The following HERC3 variants were observed in gnomAD, a reference collection of about 807,000 sequenced individuals.
HERC3 encodes HECT and RLD domain containing E3 ubiquitin protein ligase 3, also known as probable E3 ubiquitin-protein ligase HERC3.
Under a neutral mutation model 129.9 loss-of-function variants are expected in HERC3, and 58 were observed. The ratio of observed to expected loss-of-function variants is 0.45; its 90% confidence interval spans 0.36 to 0.56. The LOEUF (loss-of-function observed/expected upper bound fraction) is 0.56, where lower values mean the gene tolerates loss of function less well. HERC3 is among the 20% of genes least tolerant of loss of function. HERC3 has a pLI of 0.00. For synonymous variants in HERC3, 430 were observed against 451.0 expected, an observed-to-expected ratio of 0.95 and a Z score of 0.59; for missense variants, 835 against 1,244.2, an observed-to-expected ratio of 0.67 and a Z score of 4.95.
chr4:88,549,652 T>C, the HERC3 span, among the ~76,000 whole-genome samples: 1 of 152,174 alleles, frequency 6.6e-6, no homozygotes, highest in African/African-American at 2.4e-5. Flanking sequence ...TTTCATTCTC[T>C]TTTATGGCTG....
chr4:88,572,395 C>T, the HERC3 span, among the ~76,000 whole-genome samples: 1 of 151,840 alleles, frequency 6.6e-6, no homozygotes, highest in Non-Finnish European at 1.5e-5. Context: ...CACTGCACTC[C>T]AGCCTGGGTG....
chr4:88,583,503 A>G, the HERC3 span, among the ~76,000 whole-genome samples: 1 of 152,134 alleles, frequency 6.6e-6, no homozygotes, highest in African/African-American at 2.4e-5. Flanking sequence ...TACTATGATA[A>G]ATTATGGAGT....
chr4:88,569,189 C>G, the HERC3 span, among the ~76,000 whole-genome samples: 1 of 152,174 alleles, frequency 6.6e-6, no homozygotes, highest in Non-Finnish European at 1.5e-5. Context: ...TCAAAATGCT[C>G]CCTCCATGTG....
intron 1 of HERC3, among the ~76,000 whole-genome samples, chr4:88,594,541 C>G (rs1389319072): frequency 6.6e-6 from 1 of 152,092 alleles, no homozygotes; most frequent in Admixed American, 6.6e-5. Flanking sequence ...GTAGCTGGGA[C>G]CACAGGCGTG....
chr4:88,665,222 A>G (rs1459281670), intron 12 of HERC3, among the ~76,000 whole-genome samples: 2 of 152,196 alleles, frequency 1.3e-5, no homozygotes, highest in African/African-American at 2.4e-5. Context: ...TCACCTGATT[A>G]TGGAGGTTGA....
the HERC3 span, among the ~76,000 whole-genome samples, chr4:88,555,058 G>A: frequency 7.2e-5 from 11 of 152,124 alleles, no homozygotes; most frequent in African/African-American, 2.4e-4. Context: ...GGCCAAGGCA[G>A]GCAGATCATG....
At chr4:88,572,889 TTAATCA>T in the HERC3 span, among the ~76,000 whole-genome samples, 2 of 152,104 alleles carry the variant, frequency 1.3e-5, no homozygotes, top group Non-Finnish European at 2.9e-5. Flanking sequence ...TGGGGAAAAC[TTAATCA>T]TAAACTGAAA....
intron 23 of HERC3, chr4:88,689,886 A>G: frequency 1.7e-6 from 1 of 599,792 alleles, no homozygotes; most frequent in Non-Finnish European, 2.1e-6. Flanking sequence ...CCCATCCTTG[A>G]CATTTTAACA....
chr4:88,695,067 GTC>G (rs1734460556), intron 23 of HERC3, among the ~76,000 whole-genome samples: 1 of 152,112 alleles, frequency 6.6e-6, no homozygotes, highest in South Asian at 2.1e-4. Context: ...TAAAATGATA[GTC>G]TCTCTCATTC....
intron 16 of HERC3, among the ~76,000 whole-genome samples, chr4:88,674,138 G>A (rs1578290142): frequency 6.6e-6 from 1 of 152,156 alleles, no homozygotes; most frequent in African/African-American, 2.4e-5. Flanking sequence ...TTCACCTCTG[G>A]GGTGTGGGAA....
the HERC3 span, among the ~76,000 whole-genome samples, chr4:88,563,709 G>A: frequency 6.6e-6 from 1 of 151,170 alleles, no homozygotes; most frequent in East Asian, 1.9e-4. Context: ...GCCAAGGCTG[G>A]AGTGCAGCGG....
rs896547880 is a variant in HERC3 at position 88,655,592 on chromosome 4, G to C, written c.909-283G>C. 7.2e-5 allele frequency among the ~76,000 whole-genome samples: 11 copies of C among 152,244 alleles called. No homozygotes were observed. In the East Asian group the frequency reaches 1.4e-3, roughly 19 times the overall value. On this transcript the variant is annotated intron_variant, in intron 8 of 25. Coordinates refer to ENST00000402738, the MANE Select transcript of HERC3 (RefSeq NM_014606.3). ...GTGAGAGAGTCCCAAAGAACTTCTT[G>C]GAAATTTTTGCCTGAGTCTACCCTG...
chr4:88,706,999 G>A lies in HERC3; in HGVS notation c.*39G>A. 2.7e-6 allele frequency: 4 copies of A among 1,481,536 alleles called. No individual in the cohort carries two copies. The highest frequency in any genetic ancestry group is 3.8e-6 in the Non-Finnish European group (4 of 1,059,258). 91.8% of individuals were successfully genotyped at this position (1,481,536 alleles called of 1,614,324 possible). ...GTCCAGTATTTCCCTTCGTTCCTCA[G>A]TGTCCACATTGAGGCCTATACAGAA... On this transcript the variant is annotated 3_prime_UTR_variant, in exon 26 of 26. Coordinates refer to ENST00000402738, the MANE Select transcript of HERC3 (RefSeq NM_014606.3).
At chr4:88,663,241 A>G (rs1487998066) in intron 11 of HERC3, among the ~76,000 whole-genome samples, 1 of 152,140 alleles carries the variant, frequency 6.6e-6, no homozygotes, top group Non-Finnish European at 1.5e-5. Flanking sequence ...AATGACCAGG[A>G]CGCTACACTT....
chr4:88,546,987 A>G, the HERC3 span, among the ~76,000 whole-genome samples: 1 of 152,218 alleles, frequency 6.6e-6, no homozygotes, highest in African/African-American at 2.4e-5. Context: ...TTGGTCTATA[A>G]TTGAAATTCC....
the HERC3 span, among the ~76,000 whole-genome samples, chr4:88,567,520 T>C: frequency 1.3e-5 from 2 of 152,222 alleles, no homozygotes; most frequent in East Asian, 3.8e-4. Flanking sequence ...TTAAATAGGC[T>C]GTCTTTAAAC....
chr4:88,641,389 T>TAA (rs1189410875), intron 3 of HERC3, among the ~76,000 whole-genome samples: 1 of 152,172 alleles, frequency 6.6e-6, no homozygotes, highest in Non-Finnish European at 1.5e-5. Context: ...AGCCTTCACT[T>TAA]ATGAAATGAG....
At chr4:88,548,448 A>G in the HERC3 span, among the ~76,000 whole-genome samples, 1 of 152,142 alleles carries the variant, frequency 6.6e-6, no homozygotes, top group Non-Finnish European at 1.5e-5. Flanking sequence ...CTGAGAGCCA[A>G]TGATGTTGAG....
At chr4:88,687,598 T>C (rs1733617054) in intron 23 of HERC3, among the ~76,000 whole-genome samples, 1 of 152,210 alleles carries the variant, frequency 6.6e-6, no homozygotes, top group Admixed American at 6.5e-5. Flanking sequence ...TTATAATCAC[T>C]GTGCTCTCTA....
Sources: gnomAD v4.1 joint callset for allele counts (sites outside exome capture counted in the v4.1 genomes callset) on GRCh38, gnomAD v4.1.1 for gene constraint, MANE v1.5 for transcripts, NCBI Gene and HGNC (gene_info 2026-07-23, HGNC 2026-07-21) for gene names.